Variants in CRNKL1 observed in about 807,000 individuals in gnomAD.
The protein encoded by CRNKL1 is crooked neck-like protein 1.
CRNKL1 carries 35 observed loss-of-function variants against 103.7 expected under a neutral mutation model. The observed-to-expected ratio is 0.34, with a 90% CI of 0.26 to 0.45. CRNKL1 has a LOEUF of 0.45. CRNKL1 is among the 20% of genes least tolerant of loss of function. The probability of loss-of-function intolerance (pLI) is 1.00; values close to 1 mark genes in which losing one functional copy is unlikely to be tolerated. For synonymous variants in CRNKL1, 267 were observed against 282.6 expected, an observed-to-expected ratio of 0.94 and a Z score of 0.55; for missense variants, 645 against 836.0, an observed-to-expected ratio of 0.77 and a Z score of 2.82.
chr20:20,048,941 G>T (rs1392867636), intron 3 of CRNKL1, among the ~76,000 whole-genome samples: 1 of 152,130 alleles, frequency 6.6e-6, no homozygotes, highest in African/African-American at 2.4e-5. Flanking sequence ...AGGCACAGTG[G>T]GGGAAGGAGG....
chr20:20,037,643 C>G, intron 12 of CRNKL1, 72 bp from the exon 13 acceptor site: 1 of 1,453,212 alleles, frequency 6.9e-7, no homozygotes, highest in Non-Finnish European at 9.3e-7. Flanking sequence ...AATAATAAAG[C>G]GAATTCCCAG....
chr20:20,046,410 T>C (rs6112729), intron 5 of CRNKL1, among the ~76,000 whole-genome samples: 1,760 of 152,294 alleles, frequency 0.012, 24 homozygotes, highest in African/African-American at 0.04. Context: ...CTTAACATTG[T>C]CACCTCAACA....
intron 12 of CRNKL1, 67 bp downstream of exon 12, chr20:20,038,282 A>AAT (rs1156271437): frequency 3.1e-6 from 3 of 980,054 alleles, no homozygotes; most frequent in Non-Finnish European, 3.1e-6. Flanking sequence ...AAAATACAGA[A>AAT]ATATATCATT....
chr20:20,052,564 A>AGT (rs1464843549), upstream of CRNKL1: 9 of 1,613,816 alleles, frequency 5.6e-6, no homozygotes, highest in Non-Finnish European at 6.8e-6. Flanking sequence ...CAGCGCGTGG[A>AGT]GTGCGGCGTC....
At chr20:20,055,123 G>A (rs4814934), upstream of CRNKL1, among the ~76,000 whole-genome samples, 95,198 of 151,950 alleles carry the variant, frequency 0.63, 30,192 homozygotes, top group East Asian at 0.94. Context: ...TAATAACCAC[G>A]TATTTCATTT....
At chr20:20,055,029 C>T (rs2146525900), upstream of CRNKL1, among the ~76,000 whole-genome samples, 1 of 152,220 alleles carries the variant, frequency 6.6e-6, no homozygotes, top group African/African-American at 2.4e-5. Flanking sequence ...CTATGTGCTT[C>T]TTTCTAGATA....
At chr20:20,038,679 A>T (rs1037968496) in intron 11 of CRNKL1, 2 of 381,104 alleles carry the variant, frequency 5.2e-6, no homozygotes, top group Admixed American at 9.0e-5. Context: ...AGTCTTAGAG[A>T]TTCTCTTTGG....
Position 20,050,515 on chromosome 20 carries a change from G to C in CRNKL1, c.159C>G (p.Ile53Met). ...AATCATTTAATTCTTCTTCATCTGTGATCTTCTGTTGAGGTGGAGGTGGAA... is the reference window on the plus strand; with the variant it reads ...AATCATTTAATTCTTCTTCATCTGTCATCTTCTGTTGAGGTGGAGGTGGAA... ...ELLPPPPQQK[I>M]TDEEELNDYK... Residue 53 changes from isoleucine (I) to methionine (M), a missense_variant, in exon 2 of 14, where the codon ATC becomes ATG. By Grantham distance (10) the Ile-to-Met change is conservative (BLOSUM62 1). Coordinates refer to ENST00000536226, the MANE Select transcript of CRNKL1 (RefSeq NM_001278628.2). The C allele has an allele frequency of 6.2e-7, 1 of 1,613,774 alleles. No individual in the cohort carries two copies. The highest frequency in any genetic ancestry group is 1.3e-5 in the African/African-American group (1 of 75,002).
At chr20:20,052,595 G>A (rs1390764858), upstream of CRNKL1, 1 of 1,613,808 alleles carries the variant, frequency 6.2e-7, no homozygotes, top group African/African-American at 1.3e-5. Context: ...GGATGAGGTG[G>A]GTAACGCCGT....
chr20:20,054,005 T>G (rs28535774), upstream of CRNKL1, among the ~76,000 whole-genome samples: 1 of 113,010 alleles, frequency 8.8e-6, no homozygotes, highest in African/African-American at 3.5e-5. Context: ...TGTGTGTTTT[T>G]TTTGTTTGTT....
chr20:20,053,149 A>G (rs575765134), upstream of CRNKL1, among the ~76,000 whole-genome samples: 1 of 152,364 alleles, frequency 6.6e-6, no homozygotes, highest in South Asian at 2.1e-4. Context: ...CTGTTTCACT[A>G]GGATTAAAGA....
chr20:20,043,373 A>C, intron 7 of CRNKL1, 119 bp downstream of exon 7: 1 of 971,990 alleles, frequency 1.0e-6, no homozygotes, highest in Non-Finnish European at 1.5e-6. Context: ...GATCACGGGC[A>C]CATCATCACG....
rs1212913079 is a variant in CRNKL1 at position 20,038,434 on chromosome 20, T to C, written c.1562A>G (p.Tyr521Cys). ...LDMPEVLWKS[Y>C]IDFEIEQEET... ...TTCCTGCTCAATTTCAAAATCAATA[T>C]ATGATTTCCAAAGCACCTAAGGAAG... The change falls in exon 12 of 14, where the codon TAT becomes TGT. Residue 521 changes from tyrosine (Y) to cysteine (C), a missense_variant. By Grantham distance (194) the Tyr-to-Cys change is radical. This residue lies in a region of CRNKL1 where 582 missense variants were observed against 707.7 expected (regional missense o/e 0.82). Transcript: ENST00000536226. The C allele has an allele frequency of 6.5e-7, 1 of 1,550,350 alleles. No homozygotes were observed. Among genetic ancestry groups the C allele is most frequent in the Non-Finnish European group, 8.7e-7 (1 of 1,145,646 alleles).
upstream of CRNKL1, among the ~76,000 whole-genome samples, chr20:20,055,167 GTTCTC>G (rs762863502): frequency 3.5e-4 from 53 of 151,990 alleles, no homozygotes; most frequent in Middle Eastern, 3.4e-3. Flanking sequence ...ATAATGACCT[GTTCTC>G]TTCTCATGAC....
intron 2 of CRNKL1, among the ~76,000 whole-genome samples, chr20:20,049,793 T>C (rs1226886153): frequency 6.6e-6 from 1 of 151,846 alleles, no homozygotes; most frequent in Non-Finnish European, 1.5e-5. Context: ...TTTGCAGACC[T>C]CAATTCCTTT....
chr20:20,048,127 T>C (rs146344948), intron 4 of CRNKL1, among the ~76,000 whole-genome samples, 196 bp from the exon 5 acceptor site: 339 of 152,330 alleles, frequency 2.2e-3, no homozygotes, highest in African/African-American at 7.6e-3. Context: ...AACAAGAAGC[T>C]TATGAATAAA....
At chr20:20,049,505 T>C in intron 2 of CRNKL1, 74 bp from the exon 3 acceptor site, 1 of 740,636 alleles carries the variant, frequency 1.4e-6, no homozygotes, top group Non-Finnish European at 2.3e-6. Context: ...CTATTTTAAG[T>C]CTTGTACTAA....
rs775278606 is a variant in CRNKL1, at chr20:20,047,777, T to C, written c.610A>G (p.Ile204Val). The C allele has an allele frequency of 5.0e-6, 8 of 1,613,916 alleles. No homozygotes were observed. The African/African-American group carries it at 1.1e-4, about 22-fold the overall frequency. ...GTCCAAAGGATATATCGCTCATAAA[T>C]GGTGCGGGCCCGATCCACCTCTTTG... ...RYKEVDRARTIYERFVLVHPD... is the reference protein window; with the variant it reads ...RYKEVDRARTVYERFVLVHPD... Residue 204 changes from isoleucine (I) to valine (V), a missense_variant, in exon 5 of 14, where the codon ATT (isoleucine) becomes GTT (valine). Transcript: ENST00000536226.
intron 11 of CRNKL1, among the ~76,000 whole-genome samples, chr20:20,039,108 T>C (rs985000502): frequency 1.3e-5 from 2 of 152,222 alleles, no homozygotes; most frequent in South Asian, 2.1e-4. Context: ...CTACGACTCA[T>C]GTGAGATTCA....
Sources: allele counts gnomAD v4.1 joint callset (sites outside exome capture counted in the v4.1 genomes callset), GRCh38; gene constraint gnomAD v4.1.1; regional missense constraint gnomAD v4.1.1; transcripts MANE v1.5; gene names NCBI Gene and HGNC (gene_info 2026-07-23, HGNC 2026-07-21).